PDE3B: variants seen among roughly 807,000 people sequenced by gnomAD.
The protein encoded by PDE3B is phosphodiesterase 3B.
A neutral mutation model predicts 116.8 loss-of-function variants in PDE3B; 66 were observed. The ratio of observed to expected loss-of-function variants is 0.56; its 90% CI spans 0.46 to 0.69. The LOEUF (loss-of-function observed/expected upper bound fraction) is 0.69. Among genes scored for constraint, PDE3B ranks in the 30% least tolerant of loss-of-function variants. PDE3B has a pLI of 0.00. For synonymous variants in PDE3B, 595 were observed against 533.6 expected, an observed-to-expected ratio of 1.12 and a Z score of -1.59; for missense variants, 1,384 against 1,368.1, an observed-to-expected ratio of 1.01 and a Z score of -0.18.
intron 1 of PDE3B, among the ~76,000 whole-genome samples, chr11:14,696,288 G>C (rs1855205773): frequency 1.3e-5 from 2 of 152,120 alleles, no homozygotes; most frequent in African/African-American, 2.4e-5. Flanking sequence ...TCGTATGTCT[G>C]TTGGCTACAT....
intron 11 of PDE3B, among the ~76,000 whole-genome samples, chr11:14,838,931 A>G (rs903686729): frequency 1.3e-4 from 20 of 152,228 alleles, no homozygotes; most frequent in African/African-American, 4.3e-4. Context: ...CTGTAGAGGA[A>G]GGAATCCAGA....
chr11:14,751,066 A>C (rs1048915949), intron 1 of PDE3B, among the ~76,000 whole-genome samples: 8 of 152,178 alleles, frequency 5.3e-5, no homozygotes, highest in African/African-American at 1.7e-4. Context: ...GAATCATCTG[A>C]GGAGTTTTAA....
the PDE3B span, chr11:14,892,123 C>T: frequency 6.2e-7 from 1 of 1,611,548 alleles, no homozygotes. Flanking sequence ...CAGCAGCTGG[C>T]GGACCCCTAG....
rs138086681 is a variant in PDE3B at position 14,756,501 on chromosome 11, C to T, written c.979-15436C>T. On this transcript the variant is annotated intron_variant, in intron 1 of 15. Coordinates refer to ENST00000282096, the MANE Select transcript of PDE3B (RefSeq NM_000922.4). ...CAGAAAGGAGGTGATACCCCACCTA[C>T]AAATACCTTGACCTCATTCTCCTCC... 3.1e-3 allele frequency among the ~76,000 whole-genome samples: 465 copies of T among 152,298 alleles called. 2 individuals carry two copies. Among genetic ancestry groups the T allele is most frequent in the African/African-American group, 9.8e-3 (409 of 41,560 alleles).
intron 1 of PDE3B, among the ~76,000 whole-genome samples, chr11:14,745,806 A>G (rs1856896089): frequency 6.6e-6 from 1 of 152,206 alleles, no homozygotes; most frequent in Non-Finnish European, 1.5e-5. Flanking sequence ...AAGGAAAAGA[A>G]TTAATGTATA....
chr11:14,709,522 T>A (rs1855636000), intron 1 of PDE3B, among the ~76,000 whole-genome samples: 1 of 152,172 alleles, frequency 6.6e-6, no homozygotes, highest in South Asian at 2.1e-4. Context: ...GCCAGTAACC[T>A]GGGGACAGTA....
rs1565144650 is a variant in PDE3B, at chr11:14,804,034, A to G, written c.1506A>G (p.Val502=). The G allele has an allele frequency of 1.9e-6, 3 of 1,590,012 alleles. No homozygotes were observed. The highest frequency in any genetic ancestry group is 2.6e-6 in the Non-Finnish European group (3 of 1,158,060). ...RSSSVSLTHH[V]GLRRAGVLSS... is the part of the protein sequence containing the mutation. Reference sequence around the variant, plus strand: ...CTTCTGTATCACTGACTCACCATGTAGGTCTCAGAAGAGCTGGTAAGAAAT... The same window carrying G: ...CTTCTGTATCACTGACTCACCATGTGGGTCTCAGAAGAGCTGGTAAGAAAT... The change falls in exon 5 of 16, where the codon GTA becomes GTG. Residue 502 remains valine (V), a synonymous_variant. Transcript: ENST00000282096.
At chr11:14,797,340 G>A (rs1306052526) in intron 4 of PDE3B, among the ~76,000 whole-genome samples, 2 of 152,206 alleles carry the variant, frequency 1.3e-5, no homozygotes, top group Non-Finnish European at 2.9e-5. Context: ...TAGCCTTGCA[G>A]TATAGTTTGA....
chr11:14,701,166 G>A (rs1037767607), intron 1 of PDE3B, among the ~76,000 whole-genome samples: 1 of 151,474 alleles, frequency 6.6e-6, no homozygotes, highest in East Asian at 1.9e-4. Flanking sequence ...TATTTTAATT[G>A]CAAAAATAAA....
In PDE3B at chr11:14,832,553, A is replaced by G. The variant is rs564205498; in HGVS notation, c.2095-169A>G. Reference sequence around the variant, plus strand: ...CAGTGGCTTTAGGGTGACATCTTCCATTCTGATTTTTTTGAAAGAATTAAT... The same window carrying G: ...CAGTGGCTTTAGGGTGACATCTTCCGTTCTGATTTTTTTGAAAGAATTAAT... On this transcript the variant is annotated intron_variant, in intron 9 of 15. Transcript: ENST00000282096. Among the ~76,000 whole-genome samples, 18 of 152,266 alleles carry G rather than the reference A, an allele frequency of 1.2e-4. No homozygotes were observed. In the South Asian group the frequency reaches 3.5e-3, roughly 30 times the overall value.
intron 1 of PDE3B, chr11:14,673,678 C>G: frequency 1.4e-6 from 1 of 725,112 alleles, no homozygotes; most frequent in East Asian, 2.7e-5. Context: ...TTCAGGAAAT[C>G]ATGAAGATAA....
intron 1 of PDE3B, among the ~76,000 whole-genome samples, chr11:14,677,861 A>G (rs778104262): frequency 2.5e-4 from 38 of 152,190 alleles, no homozygotes; most frequent in Non-Finnish European, 5.9e-5. Flanking sequence ...TGTTGCATGA[A>G]CCAGTTTATA....
At chr11:14,662,454 C>T (rs1045452818) in intron 1 of PDE3B, among the ~76,000 whole-genome samples, 11 of 152,032 alleles carry the variant, frequency 7.2e-5, no homozygotes, top group African/African-American at 1.9e-4. Context: ...CAAAGCTGGA[C>T]GGAGAATGAC....
intron 1 of PDE3B, among the ~76,000 whole-genome samples, chr11:14,724,008 G>A (rs7947041): frequency 0.83 from 126,761 of 152,160 alleles, 53,382 homozygotes; most frequent in Non-Finnish European, 0.91. Context: ...TTTCTTTTTG[G>A]AAATATCATT....
chr11:14,899,189 A>T, the PDE3B span, among the ~76,000 whole-genome samples: 25 of 152,148 alleles, frequency 1.6e-4, no homozygotes, highest in Non-Finnish European at 3.1e-4. Context: ...ACCTTTCCAC[A>T]TGCTTTTTAT....
intron 1 of PDE3B, among the ~76,000 whole-genome samples, chr11:14,676,354 A>G (rs1313309311): frequency 1.3e-5 from 2 of 152,178 alleles, no homozygotes; most frequent in African/African-American, 2.4e-5. Flanking sequence ...GTTATAGCCT[A>G]TTGCTTCTAA....
chr11:14,731,330 C>T (rs1856452810), intron 1 of PDE3B, among the ~76,000 whole-genome samples: 1 of 148,294 alleles, frequency 6.7e-6, no homozygotes, highest in Admixed American at 6.8e-5. Flanking sequence ...ACTATCTCGG[C>T]TCACTGCAAG....
intron 1 of PDE3B, among the ~76,000 whole-genome samples, chr11:14,679,043 T>C (rs1854616176): frequency 6.6e-6 from 1 of 152,210 alleles, no homozygotes; most frequent in African/African-American, 2.4e-5. Flanking sequence ...GGCACCTTTG[T>C]CAAGAATTAA....
At chr11:14,855,206 G>A (rs901839975) in intron 12 of PDE3B, among the ~76,000 whole-genome samples, 1 of 152,166 alleles carries the variant, frequency 6.6e-6, no homozygotes, top group Non-Finnish European at 1.5e-5. Context: ...AGGTCAAGAT[G>A]TGACTAGTGG....
Sources: allele counts gnomAD v4.1 joint callset (sites outside exome capture counted in the v4.1 genomes callset), GRCh38; gene constraint gnomAD v4.1.1; transcripts MANE v1.5; gene names NCBI Gene and HGNC (gene_info 2026-07-23, HGNC 2026-07-21).